The following KLHL18 variants were observed in gnomAD, a reference collection of about 807,000 sequenced individuals.
The protein encoded by KLHL18 is kelch-like protein 18.
Under a neutral mutation model 58.5 loss-of-function variants are expected in KLHL18, and 38 were observed. The ratio of observed to expected loss-of-function variants is 0.65; its 90% CI spans 0.50 to 0.85. KLHL18 has a LOEUF of 0.85. Among genes scored for constraint, KLHL18 ranks in the 40% least tolerant of loss-of-function variants. The pLI, the probability that KLHL18 is intolerant of heterozygous loss-of-function variation, is 0.00. For missense variants in KLHL18, 624 were observed against 778.4 expected, an observed-to-expected ratio of 0.80 and a Z score of 2.36; for synonymous variants, 303 against 301.9, an observed-to-expected ratio of 1.00 and a Z score of -0.04.
chr3:47,297,637 G>T (rs1278704665), intron 1 of KLHL18: 3 of 456,542 alleles, frequency 6.6e-6, no homozygotes, highest in South Asian at 4.6e-5. Context: ...AGCTCTGCCA[G>T]TCCTGAGCCA....
intron 2 of KLHL18, among the ~76,000 whole-genome samples, chr3:47,322,132 G>T (rs138146055): frequency 1.3e-5 from 2 of 152,112 alleles, no homozygotes; most frequent in Admixed American, 1.3e-4. Flanking sequence ...GATGGTAATG[G>T]CTATTATGCT....
In KLHL18 at chr3:47,333,195, G is replaced by A. The variant is rs745342638; in HGVS notation, c.639G>A (p.Arg213=). The change falls in exon 5 of 10, where the codon CGG becomes CGA. Residue 213 remains arginine (R), a synonymous_variant. Coordinates refer to ENST00000232766, the MANE Select transcript of KLHL18 (RefSeq NM_025010.5). ...EAALAWVRYD[R]EQRGPYLPEL... is the part of the protein sequence containing the mutation. ...CATTGGCCTGGGTCAGATACGACCG[G>A]GAGCAGAGGGGTCCCTACCTGCCTG... The A allele has an allele frequency of 3.0e-5, 48 of 1,613,960 alleles. No homozygotes were observed. The South Asian group carries it at 5.3e-4, about 18-fold the overall frequency.
chr3:47,289,011 TATTC>T (rs1702736800), intron 1 of KLHL18, among the ~76,000 whole-genome samples: 1 of 152,244 alleles, frequency 6.6e-6, no homozygotes, highest in Non-Finnish European at 1.5e-5. Flanking sequence ...TTTTTCTTCT[TATTC>T]ATGAGATTTG....
chr3:47,331,161 C>T lies in KLHL18; in HGVS notation c.600+1012C>T, dbSNP rs544490854. The stretch of plus-strand genomic sequence containing the variant: ...TTTTTGAGAAAGAATCTTGCTCCAA[C>T]GCCCAGGCAGGCTGGAGTGCAGTGG... On this transcript the variant is annotated intron_variant, in intron 4 of 9. Transcript: ENST00000232766. Among the ~76,000 whole-genome samples the T allele has an allele frequency of 1.4e-4, 21 of 152,294 alleles. No individual in the cohort carries two copies. The East Asian group carries it at 3.7e-3, about 27-fold the overall frequency.
intron 1 of KLHL18, among the ~76,000 whole-genome samples, chr3:47,292,213 G>A (rs765775336): frequency 8.5e-5 from 13 of 152,280 alleles, no homozygotes; most frequent in African/African-American, 2.9e-4. Flanking sequence ...TGCTTTTCAC[G>A]CCTGTAATCC....
chr3:47,345,891 A>T lies in KLHL18; in HGVS notation c.*1950A>T, dbSNP rs942016844. On this transcript the variant is annotated 3_prime_UTR_variant, in exon 10 of 10. Coordinates refer to ENST00000232766, the MANE Select transcript of KLHL18 (RefSeq NM_025010.5). ...TAGGAGCTAGGCCTCTGCTACAAGC[A>T]CTTGAAAATGATATTTTTATTTTTA... 7 of 152,616 alleles carry T rather than the reference A, an allele frequency of 4.6e-5. No individual in the cohort carries two copies. Among genetic ancestry groups the T allele is most frequent in the Non-Finnish European group, 8.8e-5 (6 of 68,042 alleles). 9.5% of individuals were successfully genotyped at this position (152,616 alleles called of 1,614,324 possible).
At chr3:47,314,360 T>C (rs2107617760) in intron 1 of KLHL18, among the ~76,000 whole-genome samples, 1 of 152,332 alleles carries the variant, frequency 6.6e-6, no homozygotes, top group African/African-American at 2.4e-5. Context: ...TTAAAAGCTT[T>C]TCACAAAAAT....
At chr3:47,300,309 ATG>A (rs1553630150) in intron 1 of KLHL18, among the ~76,000 whole-genome samples, 32 of 144,382 alleles carry the variant, frequency 2.2e-4, no homozygotes, top group African/African-American at 4.5e-4. Flanking sequence ...ATATATATAT[ATG>A]TGTGTATATA....
Position 47,340,644 on chromosome 3 carries a change from C to G in KLHL18, c.1194C>G (p.Ser398Arg). ...CGGYDGNSSL[S>R]SVETYSPETD... ...GCTACGATGGCAACTCTTCCCTCAG[C>G]TCCGTGGAGACCTACTCACCTGAGA... Residue 398 changes from serine to arginine, a missense_variant, in exon 8 of 10, where the codon AGC becomes AGG. Ser to Arg is a moderately radical substitution (Grantham distance 110, BLOSUM62 -1). Transcript: ENST00000232766. The G allele has an allele frequency of 6.2e-7, 1 of 1,613,992 alleles. No homozygotes were observed. The highest frequency in any genetic ancestry group is 8.5e-7 in the Non-Finnish European group (1 of 1,179,982).
intron 6 of KLHL18, among the ~76,000 whole-genome samples, chr3:47,335,549 T>C (rs886251234): frequency 7.9e-5 from 12 of 152,124 alleles, no homozygotes; most frequent in African/African-American, 1.4e-4. Context: ...CTCTTGTCAC[T>C]CAGGCTGGAG....
chr3:47,343,600 G>A lies in KLHL18; in HGVS notation c.1384G>A (p.Gly462Ser). The change falls in exon 10 of 10, where the codon GGC becomes AGC. Residue 462 changes from glycine (G) to serine (S), a missense_variant. Transcript: ENST00000232766. The stretch of plus-strand genomic sequence containing the variant: ...CACAGCCACCTGGCACCCTGCAGCT[G>A]GCATGCTCAACAAGCGCTGCCGGCA... The part of the protein sequence containing the change: ...HHTATWHPAA[G>S]MLNKRCRHGA... 2 of 1,614,060 alleles carry A rather than the reference G, an allele frequency of 1.2e-6. No individual in the cohort carries two copies. Among genetic ancestry groups the A allele is most frequent in the Non-Finnish European group, 1.7e-6 (2 of 1,180,038 alleles).
At chr3:47,332,361 A>AAAAG (rs956846805) in intron 4 of KLHL18, among the ~76,000 whole-genome samples, 7 of 152,306 alleles carry the variant, frequency 4.6e-5, no homozygotes, top group South Asian at 2.1e-4. Flanking sequence ...TCTCCAAAAA[A>AAAAG]AAAGAAAGAA....
In KLHL18 at chr3:47,283,087, C is replaced by T. The variant is rs1702505011; in HGVS notation, c.122C>T (p.Thr41Ile). 5.7e-6 allele frequency: 9 copies of T among 1,580,242 alleles called. No individual in the cohort carries two copies. The highest frequency in any genetic ancestry group is 6.9e-6 in the Non-Finnish European group (8 of 1,163,600). ...IRRQGKLCDV[T>I]LKIGDHKFSA... The stretch of plus-strand genomic sequence containing the variant: ...CGGCAGGGCAAGCTGTGCGACGTGA[C>T]CCTCAAGGTACCGCGGACTGGGCGG... Residue 41 changes from threonine (T) to isoleucine (I), a missense_variant, in exon 1 of 10, where the codon ACC becomes ATC. By Grantham distance (89) the Thr-to-Ile change is moderately conservative. Coordinates refer to ENST00000232766, the MANE Select transcript of KLHL18 (RefSeq NM_025010.5).
At chr3:47,296,640 G>C (rs295444) in intron 1 of KLHL18, among the ~76,000 whole-genome samples, 3 of 152,162 alleles carry the variant, frequency 2.0e-5, no homozygotes, top group Non-Finnish European at 4.4e-5. Context: ...TGTGACTGTT[G>C]CATGGAAAGG....
At chr3:47,303,253 C>G (rs1703065346) in intron 1 of KLHL18, among the ~76,000 whole-genome samples, 1 of 152,164 alleles carries the variant, frequency 6.6e-6, no homozygotes, top group Admixed American at 6.5e-5. Flanking sequence ...CTAGGGTTCT[C>G]TTCCATAGCA....
intron 1 of KLHL18, among the ~76,000 whole-genome samples, chr3:47,287,848 G>A (rs957696089): frequency 6.6e-6 from 1 of 152,056 alleles, no homozygotes; most frequent in African/African-American, 2.4e-5. Context: ...ATAAATTCAT[G>A]TGTTCAACCT....
chr3:47,310,332 C>T (rs1460802538), intron 1 of KLHL18, among the ~76,000 whole-genome samples: 1 of 152,150 alleles, frequency 6.6e-6, no homozygotes, highest in Non-Finnish European at 1.5e-5. Context: ...TCTTTTCTAC[C>T]TCCAGACATC....
intron 9 of KLHL18, 84 bp downstream of exon 9, chr3:47,342,914 C>T: frequency 9.6e-7 from 1 of 1,038,658 alleles, no homozygotes; most frequent in Non-Finnish European, 1.5e-6. Flanking sequence ...GAAAAAACTT[C>T]AGCCTTGCCA....
intron 1 of KLHL18, chr3:47,297,508 C>T (rs915714287): frequency 4.4e-6 from 2 of 456,064 alleles, no homozygotes; most frequent in African/African-American, 4.0e-5. Context: ...GAGTCAGGCC[C>T]TCCACAAATT....
Sources: gnomAD v4.1 joint callset for allele counts (sites outside exome capture counted in the v4.1 genomes callset) on GRCh38, gnomAD v4.1.1 for gene constraint, MANE v1.5 for transcripts, NCBI Gene and HGNC (gene_info 2026-07-23, HGNC 2026-07-21) for gene names.